The following COMP variants were observed in gnomAD, a reference collection of about 807,000 sequenced individuals.
The protein encoded by COMP is cartilage oligomeric matrix protein.
Under a neutral mutation model 95.8 loss-of-function variants are expected in COMP, and 79 were observed. The ratio of observed to expected loss-of-function variants is 0.82; its 90% CI spans 0.69 to 0.99. The LOEUF (loss-of-function observed/expected upper bound fraction) is 0.99. Among genes scored for constraint, COMP ranks in the 50% least tolerant of loss-of-function variants. The pLI is 0.00. For missense variants in COMP, 906 were observed against 1,076.1 expected, an observed-to-expected ratio of 0.84 and a Z score of 2.21; for synonymous variants, 438 against 433.9, an observed-to-expected ratio of 1.01 and a Z score of -0.12.
At chr19:18,786,730 CTGGCCTGGA>C in intron 10 of COMP, 80 bp from the exon 11 acceptor site, 1 of 694,712 alleles carries the variant, frequency 1.4e-6, no homozygotes, top group East Asian at 4.4e-5. Context: ...CAGCCTGAGG[CTGGCCTGGA>C]ACAGAGTCCC....
In COMP at chr19:18,784,182, A is replaced by C; in HGVS notation, c.2087+9T>G. On this transcript the variant is annotated intron_variant, in intron 17 of 18. Transcript: ENST00000222271. This position sits in a 1 kb window ranked among gnomAD's most constrained non-coding sequence, Gnocchi z 4.9. ...CAGCCCAGCCCACCACAGAGGGTGGAGTCCCCACCTGATGTAGCCCACTTG... is the reference window on the plus strand; with the variant it reads ...CAGCCCAGCCCACCACAGAGGGTGGCGTCCCCACCTGATGTAGCCCACTTG... 6.2e-7 allele frequency: 1 copy of C among 1,613,042 alleles called. No homozygotes were observed.
At position 18,789,158 on chromosome 19, in the gene COMP, A is replaced by C; in HGVS notation, c.528+2T>G. On this transcript the variant is annotated splice_donor_variant, in intron 5 of 18. Coordinates refer to ENST00000222271, the MANE Select transcript of COMP (RefSeq NM_000095.3). LOFTEE classifies it high-confidence loss of function. The surrounding 1 kb of genome is among the most constrained non-coding windows in gnomAD (Gnocchi z 6.1). ...CAAAAATGGGGCCCCCACACCTCTC[A>C]CCTGCTTGTTGGCCTTGGCGAAAGC... 6.3e-7 allele frequency: 1 copy of C among 1,581,614 alleles called. No homozygotes were observed.
Position 18,783,082 on chromosome 19 carries a change from G to C in COMP, c.2199C>G (p.Ile733Met). 6.2e-7 allele frequency: 1 copy of C among 1,612,332 alleles called. No homozygotes were observed. The change falls in exon 18 of 19, where the codon ATC becomes ATG. Residue 733 changes from isoleucine (I) to methionine (M), a missense_variant. Transcript: ENST00000222271. Reference sequence around the variant, plus strand: ...TGCAGCGGTAACGCAGGTTGGCCCAGATGATGTTCTCCTGGGAGAAGCAGA... The same window carrying C: ...TGCAGCGGTAACGCAGGTTGGCCCACATGATGTTCTCCTGGGAGAAGCAGA... The part of the protein sequence containing the change: ...GVFCFSQENI[I>M]WANLRYRCND...
Position 18,782,903 on chromosome 19 carries a change from T to C in COMP, c.*12A>G. Reference sequence around the variant, plus strand: ...AGGGTGGCTGTCATCCGGCGGGTCCTCACCCTGGTCCCTAGGCTTGCCGCA... The same window carrying C: ...AGGGTGGCTGTCATCCGGCGGGTCCCCACCCTGGTCCCTAGGCTTGCCGCA... On this transcript the variant is annotated 3_prime_UTR_variant, in exon 19 of 19. Coordinates refer to ENST00000222271, the MANE Select transcript of COMP (RefSeq NM_000095.3). 6.2e-7 allele frequency: 1 copy of C among 1,610,770 alleles called. No homozygotes were observed. The highest frequency in any genetic ancestry group is 8.5e-7 in the Non-Finnish European group (1 of 1,179,932).
intron 17 of COMP, 108 bp from the exon 18 acceptor site, chr19:18,783,301 G>A: frequency 6.8e-7 from 1 of 1,478,578 alleles, no homozygotes; most frequent in South Asian, 1.2e-5. Context: ...GGCTGCACTG[G>A]GAGCAAGTGA....
At position 18,788,722 on chromosome 19, in the gene COMP, G is replaced by T. The variant is rs1162294644; in HGVS notation, c.632C>A (p.Pro211His). Residue 211 changes from proline (P) to histidine (H), a missense_variant, in exon 7 of 19, where the codon CCC becomes CAC. By Grantham distance (77) the Pro-to-His change is moderately conservative (BLOSUM62 -2). Coordinates refer to ENST00000222271, the MANE Select transcript of COMP (RefSeq NM_000095.3). The surrounding 1 kb of genome is among the most constrained non-coding windows in gnomAD (Gnocchi z 4.7). ...GGACGCCTGGTCGCCCACGAAGCCGGGCTGGCACGGGCCGCACTGGAAGGA... is the reference window on the plus strand; with the variant it reads ...GGACGCCTGGTCGCCCACGAAGCCGTGCTGGCACGGGCCGCACTGGAAGGA... ...RGSFQCGPCQ[P>H]GFVGDQASGC... is the part of the protein sequence containing the mutation. 3.2e-6 allele frequency: 5 copies of T among 1,546,190 alleles called. No individual in the cohort carries two copies. Among genetic ancestry groups the T allele is most frequent in the East Asian group, 4.8e-5 (2 of 41,408 alleles).
chr19:18,783,367 A>G (rs942286164), intron 17 of COMP, among the ~76,000 whole-genome samples, 174 bp from the exon 18 acceptor site: 2 of 152,290 alleles, frequency 1.3e-5, no homozygotes, highest in East Asian at 1.9e-4. Flanking sequence ...GGCCCTGGAC[A>G]TAGTTGGTGC....
chr19:18,787,587 C>T lies in COMP; in HGVS notation c.1039G>A (p.Ala347Thr). 6.2e-7 allele frequency: 1 copy of T among 1,614,118 alleles called. No homozygotes were observed. The highest frequency in any genetic ancestry group is 8.5e-7 in the Non-Finnish European group (1 of 1,180,046). The change falls in exon 10 of 19, where the codon GCG becomes ACG. Residue 347 changes from alanine (A) to threonine (T), a missense_variant. Coordinates refer to ENST00000222271, the MANE Select transcript of COMP (RefSeq NM_000095.3). ...TTCTGGGACCGGCAGTTGTCGCACG[C>T]ATCGCCCCACTTGTCCTCGTCCGTG... ...RNTDEDKWGD[A>T]CDNCRSQKND... is the part of the protein sequence containing the mutation.
In COMP at chr19:18,790,053, G is replaced by T. The variant is rs139319996; in HGVS notation, c.279C>A (p.Pro93=). The part of the protein sequence containing the change: ...PSVRPLLHCA[P]GFCFPGVACI... ...AGGCCACGCCGGGGAAGCAGAAGCCGGGCGCGCAGTGGAGCAGGGGCCGCA... is the reference window on the plus strand; with the variant it reads ...AGGCCACGCCGGGGAAGCAGAAGCCTGGCGCGCAGTGGAGCAGGGGCCGCA... The change falls in exon 4 of 19, where the codon CCC becomes CCA. Residue 93 remains proline, a synonymous_variant. Coordinates refer to ENST00000222271, the MANE Select transcript of COMP (RefSeq NM_000095.3). 1.1e-3 allele frequency: 1,793 copies of T among 1,559,750 alleles called. 33 individuals are homozygous for T. The East Asian group carries it at 0.032, about 28-fold the overall frequency.
At position 18,782,909 on chromosome 19, in the gene COMP, T is replaced by C; in HGVS notation, c.*6A>G. Reference sequence around the variant, plus strand: ...GCTGTCATCCGGCGGGTCCTCACCCTGGTCCCTAGGCTTGCCGCAGCTGAT... The same window carrying C: ...GCTGTCATCCGGCGGGTCCTCACCCCGGTCCCTAGGCTTGCCGCAGCTGAT... On this transcript the variant is annotated 3_prime_UTR_variant, in exon 19 of 19. Coordinates refer to ENST00000222271, the MANE Select transcript of COMP (RefSeq NM_000095.3). 1 of 1,611,252 alleles carries C rather than the reference T, an allele frequency of 6.2e-7. No homozygotes were observed. Among genetic ancestry groups the C allele is most frequent in the Non-Finnish European group, 8.5e-7 (1 of 1,179,966 alleles).
Position 18,789,113 on chromosome 19 carries a change from C to A in COMP, c.528+47G>T. The A allele has an allele frequency of 6.4e-7, 1 of 1,565,772 alleles. No individual in the cohort carries two copies. Among genetic ancestry groups the A allele is most frequent in the Non-Finnish European group, 8.6e-7 (1 of 1,159,696 alleles). On this transcript the variant is annotated intron_variant, in intron 5 of 18. Transcript: ENST00000222271. The surrounding 1 kb of genome is among the most constrained non-coding windows in gnomAD (Gnocchi z 6.1). ...GGAGTTTACTGGTAAACAAAATGGA[C>A]GCCCCCTTCCCTTCTGCTCCAAAAA...
intron 15 of COMP, 74 bp from the exon 16 acceptor site, chr19:18,785,166 A>G: frequency 6.9e-7 from 1 of 1,447,528 alleles, no homozygotes; most frequent in Non-Finnish European, 9.6e-7. Flanking sequence ...CCAGAACCCA[A>G]ACCTGCCCCC....
Position 18,790,842 on chromosome 19 carries a change from C to T in COMP, c.165+8G>A. 6.4e-7 allele frequency: 1 copy of T among 1,557,190 alleles called. No homozygotes were observed. On this transcript the variant is annotated splice_region_variant and intron_variant, in intron 2 of 18. Coordinates refer to ENST00000222271, the MANE Select transcript of COMP (RefSeq NM_000095.3). The stretch of plus-strand genomic sequence containing the variant: ...TGGCACTCCCTGCCCCGCACCCGGG[C>T]CCCGCACCTGCTGCCGCAGCAGCTC...
chr19:18,789,754 G>A lies in COMP; in HGVS notation c.390+188C>T, dbSNP rs2055197621. ...GGTTGTGGGGGCGGGCGTCCCGGGTGGTGACGGGGATGGTCCTTGGGTTGG... is the reference window on the plus strand; with the variant it reads ...GGTTGTGGGGGCGGGCGTCCCGGGTAGTGACGGGGATGGTCCTTGGGTTGG... On this transcript the variant is annotated intron_variant, in intron 4 of 18. Coordinates refer to ENST00000222271, the MANE Select transcript of COMP (RefSeq NM_000095.3). This position sits in a 1 kb window ranked among gnomAD's most constrained non-coding sequence, Gnocchi z 6.1. 6.6e-6 allele frequency among the ~76,000 whole-genome samples: 1 copy of A among 151,920 alleles called. No individual in the cohort carries two copies. The highest frequency in any genetic ancestry group is 6.6e-5 in the Admixed American group (1 of 15,238).
Position 18,791,295 on chromosome 19 carries a change from G to T in COMP, c.-26C>A. ...GGCGGTGGCGGGGAGCTGGGTGGCT[G>T]CTCGCTTTCTACCGCCCACGAGGCC... On this transcript the variant is annotated 5_prime_UTR_variant, in exon 1 of 19. Transcript: ENST00000222271. The T allele has an allele frequency of 6.4e-7, 1 of 1,574,348 alleles. No individual in the cohort carries two copies.
Position 18,790,931 on chromosome 19 carries a change from T to A in COMP, c.84A>T (p.Ser28=). The A allele has an allele frequency of 6.4e-7, 1 of 1,558,962 alleles. No homozygotes were observed. Among genetic ancestry groups the A allele is most frequent in the Non-Finnish European group, 8.7e-7 (1 of 1,152,362 alleles). Reference sequence around the variant, plus strand: ...CCCGAAGCATCTGCGGGCCCAGGTCTGAGCCTGCGGCGGCAGGGGACCTGG... The same window carrying A: ...CCCGAAGCATCTGCGGGCCCAGGTCAGAGCCTGCGGCGGCAGGGGACCTGG... The part of the protein sequence containing the change: ...ASGQGQSPLG[S]DLGPQMLREL... The change falls in exon 2 of 19, where the codon TCA becomes TCT. Residue 28 remains serine (S), a synonymous_variant. Transcript: ENST00000222271.
In COMP at chr19:18,783,061, G is replaced by T; in HGVS notation, c.2220C>A (p.Arg740=). The T allele has an allele frequency of 6.2e-7, 1 of 1,612,286 alleles. No homozygotes were observed. Among genetic ancestry groups the T allele is most frequent in the Admixed American group, 1.7e-5 (1 of 60,032 alleles). Residue 740 remains arginine, a synonymous_variant, in exon 18 of 19, where the codon CGC becomes CGA. Transcript: ENST00000222271. ...ENIIWANLRY[R]CNDTIPEDYE... ...CGCTGGCCCTCGGCTCACCATTGCA[G>T]CGGTAACGCAGGTTGGCCCAGATGA...
intron 11 of COMP, 113 bp downstream of exon 11, chr19:18,786,419 G>A (rs537701126): frequency 8.6e-5 from 131 of 1,531,906 alleles, no homozygotes; most frequent in East Asian, 6.8e-4. Flanking sequence ...TGCTCGGACC[G>A]AGAGGTCATT....
intron 3 of COMP, 99 bp from the exon 4 acceptor site, chr19:18,790,213 C>CCCCCCCA (rs2055202893): frequency 2.8e-6 from 2 of 723,256 alleles, no homozygotes; most frequent in Middle Eastern, 4.4e-4. Flanking sequence ...GCTTCCCCTT[C>CCCCCCCA]CCCCCCACCC....
Sources: gnomAD v4.1 joint callset for allele counts (sites outside exome capture counted in the v4.1 genomes callset) on GRCh38, gnomAD v4.1.1 for gene constraint, Gnocchi (gnomAD v3.1) non-coding constraint, MANE v1.5 for transcripts, NCBI Gene and HGNC (gene_info 2026-07-23, HGNC 2026-07-21) for gene names.